Variants in PEX14 observed in about 807,000 individuals in gnomAD.
PEX14 encodes the protein peroxisomal biogenesis factor 14, also known as peroxisomal membrane protein PEX14.
In PEX14, 15 loss-of-function variants were observed where a neutral mutation model predicts 49.5. That is an observed-to-expected ratio of 0.30 (90% CI 0.20 to 0.47). The LOEUF (loss-of-function observed/expected upper bound fraction) is 0.47. Ranked by LOEUF, PEX14 falls within the 20% of genes least tolerant of loss-of-function variation. The probability of loss-of-function intolerance (pLI) is 1.00; values close to 1 mark genes in which losing one functional copy is unlikely to be tolerated. For missense variants in PEX14, 398 were observed against 494.8 expected, an observed-to-expected ratio of 0.80 and a Z score of 1.86; for synonymous variants, 210 against 212.7, an observed-to-expected ratio of 0.99 and a Z score of 0.11.
chr1:10,494,189 G>T lies in PEX14; in HGVS notation c.37-1085G>T, dbSNP rs1376412113. ...CCAGCAGAGTGCTTGCCACTGTGCT[G>T]TGTGCCAGCTAATGTGGTAGTAGCT... is the stretch of plus-strand genomic sequence containing the variant. On this transcript the variant is annotated intron_variant, in intron 1 of 8. Coordinates refer to ENST00000356607, the MANE Select transcript of PEX14 (RefSeq NM_004565.3). The surrounding 1 kb of genome is among the most constrained non-coding windows in gnomAD (Gnocchi z 4.3). 1.3e-5 allele frequency among the ~76,000 whole-genome samples: 2 copies of T among 152,206 alleles called. No homozygotes were observed. The highest frequency in any genetic ancestry group is 2.9e-5 in the Non-Finnish European group (2 of 68,042).
intron 3 of PEX14, among the ~76,000 whole-genome samples, chr1:10,569,039 C>G (rs1639897102): frequency 6.6e-6 from 1 of 152,122 alleles, no homozygotes; most frequent in Admixed American, 6.6e-5. Context: ...CTGTGCCTGG[C>G]TTTGAAGTAG....
chr1:10,483,467 C>A (rs1641316854), intron 1 of PEX14, among the ~76,000 whole-genome samples: 1 of 152,072 alleles, frequency 6.6e-6, no homozygotes, highest in African/African-American at 2.4e-5. Context: ...CAGGTGTGCA[C>A]CACCATGCCT....
At chr1:10,518,834 T>C (rs930030930) in intron 2 of PEX14, among the ~76,000 whole-genome samples, 1 of 152,192 alleles carries the variant, frequency 6.6e-6, no homozygotes, top group Non-Finnish European at 1.5e-5. Flanking sequence ...CTTCCCTTCC[T>C]GGCACAAGGA....
chr1:10,578,919 A>G (rs2124565622), intron 3 of PEX14, among the ~76,000 whole-genome samples: 1 of 152,294 alleles, frequency 6.6e-6, no homozygotes, highest in South Asian at 2.1e-4. Context: ...ATAGGACCAG[A>G]GCCTTAATGA....
chr1:10,568,857 A>G (rs1486295575), intron 3 of PEX14, among the ~76,000 whole-genome samples: 3 of 152,238 alleles, frequency 2.0e-5, no homozygotes, highest in Non-Finnish European at 4.4e-5. Flanking sequence ...CTCATACCTC[A>G]GCCTCCCAAG....
At chr1:10,616,038 T>C (rs1056432024) in intron 4 of PEX14, among the ~76,000 whole-genome samples, 22 of 152,154 alleles carry the variant, frequency 1.4e-4, no homozygotes, top group African/African-American at 5.3e-4. Context: ...ATTACAGTTT[T>C]GGGACCGAGA....
chr1:10,611,593 T>C (rs1344725991), intron 4 of PEX14, among the ~76,000 whole-genome samples: 2 of 152,274 alleles, frequency 1.3e-5, no homozygotes, highest in Admixed American at 1.3e-4. Context: ...GTAGCGTTTG[T>C]GTTCCCATCA....
At chr1:10,611,139 T>A (rs1641266883) in intron 4 of PEX14, among the ~76,000 whole-genome samples, 1 of 152,048 alleles carries the variant, frequency 6.6e-6, no homozygotes, top group Non-Finnish European at 1.5e-5. Context: ...GTGGCATGCC[T>A]GTAGTTCCAG....
intron 4 of PEX14, among the ~76,000 whole-genome samples, chr1:10,602,329 C>G (rs1641009744): frequency 6.6e-6 from 1 of 151,842 alleles, no homozygotes; most frequent in Admixed American, 6.6e-5. Flanking sequence ...CATTGAGCTT[C>G]ATTCTTCTCA....
intron 3 of PEX14, among the ~76,000 whole-genome samples, chr1:10,588,647 A>G (rs916241000): frequency 6.6e-6 from 1 of 152,112 alleles, no homozygotes; most frequent in Admixed American, 6.6e-5. Context: ...CATGCTGTGG[A>G]CGCCTCCACC....
chr1:10,630,205 G>A lies in PEX14; in HGVS notation c.*218G>A, dbSNP rs1204498085. Reference sequence around the variant, plus strand: ...GCCGCCAGCCCCAGCCCCAGCCCCAGCCCCAGGCCCAGCTGCCTTTGGCTT... The same window carrying A: ...GCCGCCAGCCCCAGCCCCAGCCCCAACCCCAGGCCCAGCTGCCTTTGGCTT... On this transcript the variant is annotated 3_prime_UTR_variant, in exon 9 of 9. Coordinates refer to ENST00000356607, the MANE Select transcript of PEX14 (RefSeq NM_004565.3). The surrounding 1 kb of genome is among the most constrained non-coding windows in gnomAD (Gnocchi z 4.1). The A allele has an allele frequency of 4.3e-6, 3 of 702,634 alleles. No homozygotes were observed. In the African/African-American group the frequency reaches 5.6e-5, roughly 13 times the overall value. The allele number at this position is 702,634 out of a possible 1,614,324, so 43.5% of individuals were successfully genotyped here.
In PEX14 at chr1:10,629,527, C is replaced by T; in HGVS notation, c.678-4C>T. Reference sequence around the variant, plus strand: ...CCAACCTCCTCCCCTTCTTCTCCCTCTAGGAGGCAGTTCCCTCCATCCCCA... The same window carrying T: ...CCAACCTCCTCCCCTTCTTCTCCCTTTAGGAGGCAGTTCCCTCCATCCCCA... On this transcript the variant is annotated splice_polypyrimidine_tract_variant and splice_region_variant and intron_variant, in intron 8 of 8. Coordinates refer to ENST00000356607, the MANE Select transcript of PEX14 (RefSeq NM_004565.3). This position sits in a 1 kb window ranked among gnomAD's most constrained non-coding sequence, Gnocchi z 8.5. 1 of 1,604,586 alleles carries T rather than the reference C, an allele frequency of 6.2e-7. No individual in the cohort carries two copies. Among genetic ancestry groups the T allele is most frequent in the Non-Finnish European group, 8.5e-7 (1 of 1,172,004 alleles).
chr1:10,503,506 GAAATAA>G (rs1381474228), intron 2 of PEX14, among the ~76,000 whole-genome samples: 1 of 151,610 alleles, frequency 6.6e-6, no homozygotes, highest in Non-Finnish European at 1.5e-5. Context: ...TTGGGCAGAG[GAAATAA>G]AATTTCCTCT....
chr1:10,599,408 T>C, intron 4 of PEX14, 42 bp downstream of exon 4: 1 of 1,611,412 alleles, frequency 6.2e-7, no homozygotes, highest in South Asian at 1.1e-5. Context: ...TTGATTGGGA[T>C]TCAGGACTCT....
rs1372364410 is a variant in PEX14, at chr1:10,567,308, T to A, written c.169+31011T>A. Among the ~76,000 whole-genome samples, 3 of 152,206 alleles carry A rather than the reference T, an allele frequency of 2.0e-5. 1 individual carries two copies. Among genetic ancestry groups the A allele is most frequent in the Non-Finnish European group, 4.4e-5 (3 of 68,032 alleles). Reference sequence around the variant, plus strand: ...AATGAAGCTTTATCCTATGTTAACTTCCTGTATATATCTGGACGTACTCTG... The same window carrying A: ...AATGAAGCTTTATCCTATGTTAACTACCTGTATATATCTGGACGTACTCTG... On this transcript the variant is annotated intron_variant, in intron 3 of 8. Coordinates refer to ENST00000356607, the MANE Select transcript of PEX14 (RefSeq NM_004565.3).
intron 3 of PEX14, among the ~76,000 whole-genome samples, chr1:10,550,911 G>A (rs1210635696): frequency 2.0e-5 from 3 of 152,208 alleles, no homozygotes; most frequent in African/African-American, 2.4e-5. Context: ...TACATAGGAA[G>A]TGAATTTAAT....
chr1:10,481,823 C>CT (rs34612970), intron 1 of PEX14, among the ~76,000 whole-genome samples: 179 of 116,678 alleles, frequency 1.5e-3, no homozygotes, highest in Middle Eastern at 9.3e-3. Context: ...CCATTCTACT[C>CT]TTTTTTTTTT....
At chr1:10,536,710 G>A (rs957226206) in intron 3 of PEX14, 6 of 231,624 alleles carry the variant, frequency 2.6e-5, no homozygotes, top group African/African-American at 1.1e-4. Context: ...CGAGGGAAAC[G>A]AGATGACTAA....
In PEX14 at chr1:10,630,438, T is replaced by G; in HGVS notation, c.*451T>G. On this transcript the variant is annotated 3_prime_UTR_variant, in exon 9 of 9. Transcript: ENST00000356607. This position sits in a 1 kb window ranked among gnomAD's most constrained non-coding sequence, Gnocchi z 4.1. ...GTCCCTCTGGTGTCTGCCATCCCCC[T>G]CCCTCCCTGGGCCCGGCCCTGGACC... The G allele has an allele frequency of 5.9e-6, 1 of 170,212 alleles. No individual in the cohort carries two copies. The highest frequency in any genetic ancestry group is 1.2e-5 in the Non-Finnish European group (1 of 80,610). The allele number at this position is 170,212 out of a possible 1,614,324, so 10.5% of individuals were successfully genotyped here. A position where few individuals can be genotyped will look rare whatever the true frequency, so the allele number is the denominator to read the frequency against.
Sources: allele counts gnomAD v4.1 joint callset (sites outside exome capture counted in the v4.1 genomes callset), GRCh38; gene constraint gnomAD v4.1.1; non-coding constraint Gnocchi (gnomAD v3.1); transcripts MANE v1.5; gene names NCBI Gene and HGNC (gene_info 2026-07-23, HGNC 2026-07-21).